Variants in CACNA2D1 observed in about 807,000 individuals in gnomAD.
CACNA2D1 encodes the protein voltage-dependent calcium channel subunit alpha-2/delta-1.
A neutral mutation model predicts 171.5 loss-of-function variants in CACNA2D1; 53 were observed. The observed-to-expected ratio is 0.31, with a 90% CI of 0.25 to 0.39. The LOEUF (loss-of-function observed/expected upper bound fraction) is 0.39. Among genes scored for constraint, CACNA2D1 ranks in the 10% least tolerant of loss-of-function variants. The pLI is 1.00. For synonymous variants in CACNA2D1, 442 were observed against 443.1 expected (o/e 1.00, Z 0.03); for missense variants, 903 against 1,299.8 (o/e 0.69, Z 4.69).
intron 38 of CACNA2D1, among the ~76,000 whole-genome samples, chr7:81,951,773 A>AT (rs1792545532): frequency 6.6e-6 from 1 of 151,876 alleles, no homozygotes; most frequent in Non-Finnish European, 1.5e-5. Flanking sequence ...CATTTTTGCA[A>AT]TTTTGAATTG....
At chr7:82,142,624 C>T (rs116252331) in intron 4 of CACNA2D1, among the ~76,000 whole-genome samples, 3,644 of 152,254 alleles carry the variant, frequency 0.024, 136 homozygotes, top group African/African-American at 0.082. Context: ...GACTAACTTC[C>T]TGTCCAATTT....
intron 3 of CACNA2D1, among the ~76,000 whole-genome samples, chr7:82,197,211 A>G (rs1798940577): frequency 6.6e-6 from 1 of 152,014 alleles, no homozygotes; most frequent in Non-Finnish European, 1.5e-5. Context: ...TTATTGTGAC[A>G]GAATATATTA....
chr7:81,962,144 G>A (rs1055561806), intron 35 of CACNA2D1, 121 bp from the exon 36 acceptor site: 8 of 899,326 alleles, frequency 8.9e-6, no homozygotes, highest in South Asian at 4.7e-5. Flanking sequence ...AGGACCCCTC[G>A]ACTGGCTTGT....
intron 3 of CACNA2D1, among the ~76,000 whole-genome samples, chr7:82,316,955 C>T (rs763585550): frequency 1.4e-4 from 21 of 152,088 alleles, no homozygotes; most frequent in Non-Finnish European, 2.5e-4. Flanking sequence ...GAGATTTGGG[C>T]GGGGACACAG....
At chr7:82,305,960 G>C (rs934079670) in intron 3 of CACNA2D1, among the ~76,000 whole-genome samples, 17 of 152,124 alleles carry the variant, frequency 1.1e-4, no homozygotes, top group Non-Finnish European at 2.9e-5. Flanking sequence ...ATCCAATTGA[G>C]CAGATAGTGA....
rs896317664 is a variant in CACNA2D1, at chr7:81,947,482, G to C, written c.*2910C>G. On this transcript the variant is annotated 3_prime_UTR_variant, in exon 39 of 39. Coordinates refer to ENST00000356860, the MANE Select transcript of CACNA2D1 (RefSeq NM_000722.4). The stretch of plus-strand genomic sequence containing the variant: ...AAAACCTGTTACAAATATGGACCAC[G>C]GTTGGTGTTTGGCAGTAATGCTGGT... 3 of 151,816 alleles carry C rather than the reference G, an allele frequency of 2.0e-5. No homozygotes were observed. 9.4% of individuals were successfully genotyped at this position (151,816 alleles called of 1,614,324 possible).
chr7:82,063,035 C>A (rs1035475140), intron 9 of CACNA2D1, among the ~76,000 whole-genome samples: 7 of 152,046 alleles, frequency 4.6e-5, no homozygotes, highest in African/African-American at 1.7e-4. Context: ...TGTGAGTAAC[C>A]ACGTCTGGTC....
At chr7:81,997,488 G>C (rs1798164590) in intron 18 of CACNA2D1, among the ~76,000 whole-genome samples, 1 of 151,444 alleles carries the variant, frequency 6.6e-6, no homozygotes, top group Non-Finnish European at 1.5e-5. Context: ...GTCATTTTGA[G>C]TGCTGTATTT....
intron 3 of CACNA2D1, among the ~76,000 whole-genome samples, chr7:82,258,568 C>T (rs1423596185): frequency 6.6e-6 from 1 of 152,116 alleles, no homozygotes; most frequent in Non-Finnish European, 1.5e-5. Context: ...CCAAGAATTT[C>T]CTAGCTTAAA....
At chr7:82,409,816 G>A (rs1035270374) in intron 1 of CACNA2D1, among the ~76,000 whole-genome samples, 2 of 152,110 alleles carry the variant, frequency 1.3e-5, no homozygotes, top group Non-Finnish European at 2.9e-5. Flanking sequence ...TGCATTGTTA[G>A]GCGATTTTGT....
intron 1 of CACNA2D1, among the ~76,000 whole-genome samples, chr7:82,378,472 T>G (rs905257017): frequency 1.3e-5 from 2 of 152,216 alleles, no homozygotes; most frequent in South Asian, 4.1e-4. Context: ...TGTAACTATA[T>G]TCAACATTAT....
intron 3 of CACNA2D1, among the ~76,000 whole-genome samples, chr7:82,315,965 G>GTT (rs532782453): frequency 2.0e-5 from 3 of 147,698 alleles, no homozygotes; most frequent in Non-Finnish European, 4.5e-5. Context: ...GTCACCAGGT[G>GTT]TTTTTTTTTT....
chr7:81,993,093 G>A (rs1159808240), intron 20 of CACNA2D1, among the ~76,000 whole-genome samples: 2 of 152,026 alleles, frequency 1.3e-5, no homozygotes, highest in Admixed American at 1.3e-4. Context: ...TAGCATATGT[G>A]CATTAAAAAT....
chr7:81,960,301 TCGCA>T (rs1362762289), intron 36 of CACNA2D1, among the ~76,000 whole-genome samples: 1 of 152,068 alleles, frequency 6.6e-6, no homozygotes, highest in Non-Finnish European at 1.5e-5. Flanking sequence ...GAAAAGTTGT[TCGCA>T]CTGTCCAATA....
chr7:81,994,152 T>C (rs1276479262), intron 20 of CACNA2D1, among the ~76,000 whole-genome samples: 1 of 152,094 alleles, frequency 6.6e-6, no homozygotes, highest in Non-Finnish European at 1.5e-5. Context: ...CATAAAAGCT[T>C]AAGTTAAAAT....
chr7:82,265,416 C>CTT (rs765047961), intron 3 of CACNA2D1, among the ~76,000 whole-genome samples: 4,549 of 77,362 alleles, frequency 0.059, 201 homozygotes, highest in East Asian at 0.17. Context: ...TTTTTCCTTT[C>CTT]TTTTTTTTTT....
At chr7:82,218,242 T>G (rs775683215) in intron 3 of CACNA2D1, among the ~76,000 whole-genome samples, 2 of 152,098 alleles carry the variant, frequency 1.3e-5, no homozygotes, top group Non-Finnish European at 2.9e-5. Context: ...CCGACTACAT[T>G]ATTTATTATT....
intron 1 of CACNA2D1, among the ~76,000 whole-genome samples, chr7:82,381,735 T>C (rs1010194333): frequency 1.3e-5 from 2 of 152,196 alleles, no homozygotes; most frequent in Admixed American, 1.3e-4. Context: ...TATTTCCATA[T>C]ATAAATTGTA....
At chr7:82,145,630 ATAAAAATTTTATATG>A (rs1162792276) in intron 4 of CACNA2D1, among the ~76,000 whole-genome samples, 3 of 145,752 alleles carry the variant, frequency 2.1e-5, no homozygotes, top group African/African-American at 7.5e-5. Flanking sequence ...AAAATTACAT[ATAAAAATTTTATATG>A]TAAAAATTTT....
Sources: allele counts gnomAD v4.1 joint callset (sites outside exome capture counted in the v4.1 genomes callset), GRCh38; gene constraint gnomAD v4.1.1; transcripts MANE v1.5; gene names NCBI Gene and HGNC (gene_info 2026-07-23, HGNC 2026-07-21).